The following CNTN3 variants were observed in gnomAD, a reference collection of about 807,000 sequenced individuals.
CNTN3 encodes contactin-3.
CNTN3 carries 60 observed loss-of-function variants against 119.1 expected under a neutral mutation model. That is an observed-to-expected ratio of 0.50 (90% CI 0.41 to 0.62). The LOEUF is 0.62. Among genes scored for constraint, CNTN3 ranks in the 20% least tolerant of loss-of-function variants. The pLI is 0.00. For synonymous variants in CNTN3, 450 were observed against 438.7 expected (o/e 1.03, Z -0.32); for missense variants, 1,101 against 1,242.4 (o/e 0.89, Z 1.71).
chr3:74,596,323 C>T (rs961665736), intron 1 of CNTN3, among the ~76,000 whole-genome samples: 6 of 151,932 alleles, frequency 3.9e-5, no homozygotes, highest in Non-Finnish European at 8.8e-5. Context: ...CTTCACAGAA[C>T]TGGAAAAAAC....
intron 2 of CNTN3, among the ~76,000 whole-genome samples, chr3:74,503,444 T>C (rs1703200851): frequency 6.6e-6 from 1 of 152,150 alleles, no homozygotes; most frequent in Admixed American, 6.5e-5. Flanking sequence ...GGTCAGTGCA[T>C]GCTTCATACT....
At chr3:74,359,021 T>C (rs1460427845) in intron 11 of CNTN3, among the ~76,000 whole-genome samples, 1 of 152,018 alleles carries the variant, frequency 6.6e-6, no homozygotes, top group East Asian at 1.9e-4. Context: ...TGTTGGACAT[T>C]TGGGTTGTGT....
intron 5 of CNTN3, 89 bp downstream of exon 5, chr3:74,424,756 T>C: frequency 1.9e-6 from 2 of 1,054,176 alleles, no homozygotes; most frequent in Non-Finnish European, 1.4e-6. Flanking sequence ...TTTCTCAGAG[T>C]AATTTACAGA....
At chr3:74,561,750 G>A (rs894586749) in intron 1 of CNTN3, among the ~76,000 whole-genome samples, 1 of 152,114 alleles carries the variant, frequency 6.6e-6, no homozygotes, top group Non-Finnish European at 1.5e-5. Flanking sequence ...ACAAGAGACT[G>A]AGCCTGTGTA....
chr3:74,446,580 A>G (rs1293456901), intron 4 of CNTN3, among the ~76,000 whole-genome samples: 1 of 152,154 alleles, frequency 6.6e-6, no homozygotes, highest in Non-Finnish European at 1.5e-5. Flanking sequence ...TGGATTTCAA[A>G]GACTTAGTAC....
chr3:74,368,468 C>A (rs1704251801), intron 8 of CNTN3, among the ~76,000 whole-genome samples: 1 of 151,874 alleles, frequency 6.6e-6, no homozygotes, highest in African/African-American at 2.4e-5. Flanking sequence ...TATACGTCTC[C>A]ATATATTTTA....
chr3:74,482,857 A>G (rs1441763324), intron 4 of CNTN3, among the ~76,000 whole-genome samples: 1 of 152,150 alleles, frequency 6.6e-6, no homozygotes, highest in South Asian at 2.1e-4. Flanking sequence ...CAGTTAGCGT[A>G]TAACTTTTTC....
chr3:74,366,952 A>C (rs1704209805), intron 8 of CNTN3, among the ~76,000 whole-genome samples: 2 of 147,160 alleles, frequency 1.4e-5, no homozygotes, highest in Admixed American at 6.8e-5. Context: ...TAGAGACCCG[A>C]GTTTCTAAAA....
chr3:74,479,160 A>G (rs947476104), intron 4 of CNTN3, among the ~76,000 whole-genome samples: 2 of 152,044 alleles, frequency 1.3e-5, no homozygotes, highest in African/African-American at 4.8e-5. Flanking sequence ...GTGAAATAGG[A>G]AACAGAGAAA....
At chr3:74,499,928 G>A in intron 2 of CNTN3, 143 bp from the exon 3 acceptor site, 1 of 719,580 alleles carries the variant, frequency 1.4e-6, no homozygotes, top group South Asian at 2.8e-5. Flanking sequence ...TGTAGACATT[G>A]TTTTGTTAAA....
chr3:74,273,317 T>A (rs1421947603), intron 20 of CNTN3, among the ~76,000 whole-genome samples: 1 of 152,202 alleles, frequency 6.6e-6, no homozygotes, highest in East Asian at 1.9e-4. Flanking sequence ...AGGCCTAGAC[T>A]GCAGCTCCGA....
chr3:74,533,515 A>G (rs997475640), intron 1 of CNTN3, among the ~76,000 whole-genome samples: 2 of 152,066 alleles, frequency 1.3e-5, no homozygotes, highest in African/African-American at 4.8e-5. Context: ...AACTGCTTTT[A>G]TAAATATGCA....
At chr3:74,312,019 A>G (rs989157176) in intron 13 of CNTN3, among the ~76,000 whole-genome samples, 6 of 152,126 alleles carry the variant, frequency 3.9e-5, no homozygotes, top group African/African-American at 1.4e-4. Flanking sequence ...GGTGCTGCAC[A>G]CTTGTGTTAA....
chr3:74,574,033 T>C (rs1366551348), intron 1 of CNTN3, among the ~76,000 whole-genome samples: 1 of 152,052 alleles, frequency 6.6e-6, no homozygotes, highest in African/African-American at 2.4e-5. Flanking sequence ...AGGCAAAAAG[T>C]GGAAACAACC....
intron 4 of CNTN3, among the ~76,000 whole-genome samples, chr3:74,471,909 G>GTTC (rs1702573172): frequency 6.6e-6 from 1 of 152,146 alleles, no homozygotes; most frequent in Non-Finnish European, 1.5e-5. Flanking sequence ...AAACAAGGAC[G>GTTC]TTCCTAAATG....
chr3:74,536,284 A>AG (rs1385428207), intron 1 of CNTN3, among the ~76,000 whole-genome samples: 7 of 152,178 alleles, frequency 4.6e-5, no homozygotes. Context: ...AGGCCACAGA[A>AG]GCCTCCCCTC....
chr3:74,454,128 A>T (rs1448578811), intron 4 of CNTN3, among the ~76,000 whole-genome samples: 4 of 123,974 alleles, frequency 3.2e-5, no homozygotes, highest in African/African-American at 1.2e-4. Flanking sequence ...GTCTCCCATT[A>T]TTAATGTGTG....
chr3:74,281,747 G>C lies in CNTN3; in HGVS notation c.2704+3558C>G, dbSNP rs1207981354. Reference sequence around the variant, plus strand: ...AGGGTGACTCTGAGATTTTTGGCTTGAGAAACTGAAACATTGGAGTGGAAT... The same window carrying C: ...AGGGTGACTCTGAGATTTTTGGCTTCAGAAACTGAAACATTGGAGTGGAAT... On this transcript the variant is annotated intron_variant, in intron 20 of 22. Transcript: ENST00000263665. Among the ~76,000 whole-genome samples the C allele has an allele frequency of 2.0e-5, 3 of 152,254 alleles. No homozygotes were observed. The East Asian group carries it at 5.8e-4, about 29-fold the overall frequency.
At chr3:74,579,102 A>G (rs539951314) in intron 1 of CNTN3, among the ~76,000 whole-genome samples, 1 of 152,198 alleles carries the variant, frequency 6.6e-6, no homozygotes, top group South Asian at 2.1e-4. Flanking sequence ...GAAAGCTAGT[A>G]TTTCGTGCCA....
Sources: allele counts gnomAD v4.1 joint callset (sites outside exome capture counted in the v4.1 genomes callset), GRCh38; gene constraint gnomAD v4.1.1; transcripts MANE v1.5; gene names NCBI Gene and HGNC (gene_info 2026-07-23, HGNC 2026-07-21).